ACTA2: variants seen among roughly 807,000 people sequenced by gnomAD.
The protein encoded by ACTA2 is actin alpha 2, smooth muscle.
A neutral mutation model predicts 39.5 loss-of-function variants in ACTA2; 12 were observed. That is an observed-to-expected ratio of 0.30 (90% CI 0.19 to 0.49). The LOEUF (loss-of-function observed/expected upper bound fraction) is 0.49, where lower values mean the gene tolerates loss of function less well. Ranked by LOEUF, ACTA2 falls within the 20% of genes least tolerant of loss-of-function variation. The pLI is 0.99. For synonymous variants in ACTA2, 158 were observed against 180.6 expected, an observed-to-expected ratio of 0.88 and a Z score of 1.00; for missense variants, 236 against 498.8, an observed-to-expected ratio of 0.47 and a Z score of 5.02.
At chr10:88,939,222 C>T (rs550518125) in intron 7 of ACTA2, among the ~76,000 whole-genome samples, 1 of 152,328 alleles carries the variant, frequency 6.6e-6, no homozygotes, top group African/African-American at 2.4e-5. Context: ...CCCTTGCTAC[C>T]CTTTCCGCTG....
chr10:88,985,305 G>A (rs1207956364), intron 1 of ACTA2, among the ~76,000 whole-genome samples: 1 of 152,086 alleles, frequency 6.6e-6, no homozygotes, highest in Non-Finnish European at 1.5e-5. Flanking sequence ...GCTAATTTGG[G>A]GGTGTTCTCA....
upstream of ACTA2, among the ~76,000 whole-genome samples, chr10:88,956,094 A>T (rs954387514): frequency 6.6e-6 from 1 of 152,230 alleles, no homozygotes; most frequent in African/African-American, 2.4e-5. Context: ...TGAGACAGAC[A>T]CTTTTTCAGA....
At chr10:88,983,512 T>C (rs561776392) in intron 1 of ACTA2, among the ~76,000 whole-genome samples, 12 of 151,426 alleles carry the variant, frequency 7.9e-5, no homozygotes, top group Non-Finnish European at 1.3e-4. Flanking sequence ...TGTGTGACTT[T>C]GGGCAAGTCT....
chr10:88,957,996 G>A (rs1846165839), intron 1 of ACTA2, among the ~76,000 whole-genome samples: 2 of 152,014 alleles, frequency 1.3e-5, no homozygotes, highest in Non-Finnish European at 2.9e-5. Context: ...TCGAACTCCT[G>A]ACCTCGTGAT....
At chr10:88,983,408 G>C (rs1168471992) in intron 1 of ACTA2, among the ~76,000 whole-genome samples, 1 of 152,004 alleles carries the variant, frequency 6.6e-6, no homozygotes, top group East Asian at 1.9e-4. Context: ...ACTTACTTAG[G>C]GAGTTTACAT....
In ACTA2 at chr10:88,938,207, T is replaced by A; in HGVS notation, c.844A>T (p.Asn282Tyr). ...TCAATATCACACTTCATGATGCTGT[T>A]GTAGGTGGTTTCATGGATGCCAGCA... The part of the protein sequence containing the change: ...ESAGIHETTY[N>Y]SIMKCDIDIR... The change falls in exon 8 of 9, where the codon AAC becomes TAC. Residue 282 changes from asparagine (N) to tyrosine (Y), a missense_variant. Asn to Tyr is a moderately radical substitution (Grantham distance 143). Coordinates refer to ENST00000224784, the MANE Select transcript of ACTA2 (RefSeq NM_001613.4). The A allele has an allele frequency of 6.2e-7, 1 of 1,613,982 alleles. No individual in the cohort carries two copies. The highest frequency in any genetic ancestry group is 8.5e-7 in the Non-Finnish European group (1 of 1,179,912).
intron 1 of ACTA2, among the ~76,000 whole-genome samples, chr10:88,981,513 G>A (rs1370497312): frequency 1.3e-5 from 2 of 152,076 alleles, no homozygotes; most frequent in African/African-American, 4.8e-5. Flanking sequence ...AGTATCCGTG[G>A]AAAGGAAGGC....
chr10:88,989,664 G>A (rs1009673631), intron 1 of ACTA2: 1 of 466,476 alleles, frequency 2.1e-6, no homozygotes, highest in Non-Finnish European at 4.3e-6. Flanking sequence ...GCCCAAACAG[G>A]CTCCAGAAGA....
At chr10:88,959,931 A>G (rs568851210) in intron 1 of ACTA2, among the ~76,000 whole-genome samples, 51 of 152,314 alleles carry the variant, frequency 3.3e-4, no homozygotes, top group African/African-American at 1.2e-3. Context: ...CTGAAATCAC[A>G]TGTTTTTGAG....
chr10:88,964,362 A>T (rs1006199438), intron 1 of ACTA2, among the ~76,000 whole-genome samples: 2 of 152,226 alleles, frequency 1.3e-5, no homozygotes, highest in Non-Finnish European at 2.9e-5. Flanking sequence ...TGGCATCATC[A>T]ACAAAGAACA....
At chr10:88,980,795 G>A (rs6586160) in intron 1 of ACTA2, among the ~76,000 whole-genome samples, 116,876 of 152,122 alleles carry the variant, frequency 0.77, 45,454 homozygotes, top group African/African-American at 0.88. Context: ...AAAGAATGAG[G>A]TAGCTCAATT....
intron 6 of ACTA2, chr10:88,940,911 A>T (rs1011212301): frequency 2.8e-4 from 103 of 361,526 alleles, no homozygotes; most frequent in Non-Finnish European, 4.7e-4. Flanking sequence ...GTCTCCTGCC[A>T]ATCACCACAC....
chr10:88,967,460 T>C lies in ACTA2; in HGVS notation c.-23-18507A>G, dbSNP rs79958643. On this transcript the variant is annotated intron_variant, in intron 1 of 4. Coordinates refer to the ACTA2 transcript ENST00000415557. ...TTCATCAGGTGGCGATGAGGACAGA[T>C]GCGAGAATACAGTGGAATACTGAAT... 4.6e-5 allele frequency among the ~76,000 whole-genome samples: 7 copies of C among 152,308 alleles called. No homozygotes were observed. The East Asian group carries it at 1.3e-3, about 29-fold the overall frequency.
chr10:88,952,928 G>A (rs1169743321), upstream of ACTA2, among the ~76,000 whole-genome samples: 3 of 152,270 alleles, frequency 2.0e-5, no homozygotes, highest in Admixed American at 1.3e-4. Flanking sequence ...CTGGGTGGCC[G>A]GAGGCCTGGG....
chr10:88,980,904 G>C (rs1002000890), intron 1 of ACTA2, among the ~76,000 whole-genome samples: 13 of 152,174 alleles, frequency 8.5e-5, no homozygotes, highest in African/African-American at 2.9e-4. Context: ...CTCCTCAAAA[G>C]TGCTGAGAAA....
At chr10:88,979,301 C>T (rs1773982094) in intron 1 of ACTA2, among the ~76,000 whole-genome samples, 1 of 152,036 alleles carries the variant, frequency 6.6e-6, no homozygotes, top group African/African-American at 2.4e-5. Context: ...TTTCCCGGCT[C>T]TGCCGCAGGG....
chr10:88,947,977 A>G (rs780023158), intron 2 of ACTA2, among the ~76,000 whole-genome samples: 3 of 152,234 alleles, frequency 2.0e-5, no homozygotes, highest in Non-Finnish European at 4.4e-5. Context: ...GCATTTAAAA[A>G]AAATCATTAA....
intron 1 of ACTA2, among the ~76,000 whole-genome samples, chr10:88,950,482 A>C (rs1846029648): frequency 6.6e-6 from 1 of 152,256 alleles, no homozygotes; most frequent in East Asian, 1.9e-4. Context: ...AAACTTCCTT[A>C]GCAGTGCTTC....
intron 1 of ACTA2, among the ~76,000 whole-genome samples, chr10:88,963,626 A>C (rs1011100723): frequency 6.6e-6 from 1 of 152,150 alleles, no homozygotes; most frequent in African/African-American, 2.4e-5. Flanking sequence ...GGATCACTGT[A>C]GTGTTGGCAC....
Sources: gnomAD v4.1 joint callset for allele counts (sites outside exome capture counted in the v4.1 genomes callset) on GRCh38, gnomAD v4.1.1 for gene constraint, MANE v1.5 for transcripts, NCBI Gene and HGNC (gene_info 2026-07-23, HGNC 2026-07-21) for gene names.